The following TENM1 variants were observed in gnomAD, a reference collection of about 807,000 sequenced individuals.
TENM1 encodes teneurin-1.
TENM1 carries 35 observed loss-of-function variants against 174.8 expected under a neutral mutation model. That is an observed-to-expected ratio of 0.20 (90% CI 0.15 to 0.27). The LOEUF is 0.27. TENM1 is among the 10% of genes least tolerant of loss of function. The pLI, the probability that TENM1 is intolerant of heterozygous loss-of-function variation, is 1.00. For missense variants in TENM1, 1,633 were observed against 2,130.1 expected, an observed-to-expected ratio of 0.77 and a Z score of 4.59; for synonymous variants, 781 against 798.7, an observed-to-expected ratio of 0.98 and a Z score of 0.37.
At chrX:124,471,233 A>ATATAATATATAT (rs2061304897) in intron 22 of TENM1, among the ~76,000 whole-genome samples, 3 of 65,469 alleles carry the variant, frequency 4.6e-5, no homozygotes, top group African/African-American at 2.0e-4. Context: ...ATATAGTACT[A>ATATAATATATAT]TATATAATAT....
chrX:124,688,051 T>C (rs2052412670), intron 5 of TENM1, among the ~76,000 whole-genome samples: 1 of 107,301 alleles, frequency 9.3e-6, no homozygotes, highest in Non-Finnish European at 1.9e-5. Context: ...TCTCCTCTCC[T>C]CTCTTCTCTT....
At chrX:124,592,485 G>C (rs1420402246) in intron 11 of TENM1, among the ~76,000 whole-genome samples, 2 of 100,710 alleles carry the variant, frequency 2.0e-5, no homozygotes, top group Non-Finnish European at 4.0e-5. Flanking sequence ...ACCCAGGCTA[G>C]AGTGTAGTAG....
At chrX:124,977,661 ACTTT>A in the TENM1 span, among the ~76,000 whole-genome samples, 2 of 109,795 alleles carry the variant, frequency 1.8e-5, no homozygotes, top group East Asian at 5.7e-4. Context: ...CCACTAATCT[ACTTT>A]CTGTCTCTAT....
chrX:124,582,072 T>A (rs998117232), intron 11 of TENM1, among the ~76,000 whole-genome samples: 1 of 110,905 alleles, frequency 9.0e-6, no homozygotes, highest in Non-Finnish European at 1.9e-5. Context: ...GTGTGTGTTG[T>A]TCCCCCCCAT....
At chrX:125,052,140 A>C in the TENM1 span, among the ~76,000 whole-genome samples, 1 of 112,203 alleles carries the variant, frequency 8.9e-6, no homozygotes, top group Non-Finnish European at 1.9e-5. Context: ...CAAAACCACA[A>C]GGAGAAATGT....
rs186965439 is a variant in TENM1, at chrX:124,611,949, T to C, written c.2077+29842A>G. On this transcript the variant is annotated intron_variant, in intron 11 of 31. Coordinates refer to ENST00000422452, the Ensembl canonical transcript of TENM1. ...AACTTGACTTGCATGCAAGAGTAAA[T>C]GTTTTAATATAATATGCCTGTACAT... 5.2e-3 allele frequency among the ~76,000 whole-genome samples: 585 copies of C among 112,105 alleles called. 3 individuals are homozygous for C. Among genetic ancestry groups the C allele is most frequent in the African/African-American group, 0.018 (557 of 30,953 alleles).
chrX:125,081,039 T>C, the TENM1 span, among the ~76,000 whole-genome samples: 2 of 111,459 alleles, frequency 1.8e-5, no homozygotes, highest in Non-Finnish European at 3.8e-5. Flanking sequence ...TACCCTTTTG[T>C]CCTGGTCCTC....
intron 13 of TENM1, among the ~76,000 whole-genome samples, chrX:124,562,578 T>C (rs1426742709): frequency 8.9e-6 from 1 of 112,929 alleles, no homozygotes; most frequent in African/African-American, 3.2e-5. Context: ...AAGTGTAGCA[T>C]TTAAATAACT....
At chrX:124,771,536 G>A (rs1434179117) in intron 3 of TENM1, among the ~76,000 whole-genome samples, 1 of 112,490 alleles carries the variant, frequency 8.9e-6, no homozygotes, top group Non-Finnish European at 1.9e-5. Context: ...AAATACGTAA[G>A]CTGAAGAAGG....
chrX:125,103,986 A>G, the TENM1 span, among the ~76,000 whole-genome samples: 1 of 111,623 alleles, frequency 9.0e-6, no homozygotes, highest in African/African-American at 3.3e-5. Flanking sequence ...GCGAAACTCC[A>G]TAAGAAAAAA....
intron 1 of TENM1, among the ~76,000 whole-genome samples, chrX:124,955,922 C>T (rs192443705): frequency 3.4e-3 from 376 of 110,791 alleles, no homozygotes; most frequent in Non-Finnish European, 5.4e-3. Context: ...GCCTGGGTTC[C>T]GATGCTAGTT....
intron 3 of TENM1, among the ~76,000 whole-genome samples, chrX:124,829,515 T>G (rs966853334): frequency 8.9e-6 from 1 of 111,997 alleles, no homozygotes; most frequent in Non-Finnish European, 1.9e-5. Context: ...CACACCCTAT[T>G]TTTTAATATT....
chrX:125,155,885 G>A, the TENM1 span, among the ~76,000 whole-genome samples: 15,871 of 111,840 alleles, frequency 0.14, 2,017 homozygotes, highest in African/African-American at 0.38. Context: ...CTCTGGCCTC[G>A]GCCAGCCCAG....
At chrX:124,682,312 C>G (rs988768986) in intron 5 of TENM1, among the ~76,000 whole-genome samples, 1 of 111,424 alleles carries the variant, frequency 9.0e-6, no homozygotes, top group Non-Finnish European at 1.9e-5. Flanking sequence ...TAGTAGAGTA[C>G]ACTTTTTATA....
intron 22 of TENM1, among the ~76,000 whole-genome samples, chrX:124,462,401 G>A (rs1279471468): frequency 1.3e-5 from 1 of 78,108 alleles, no homozygotes; most frequent in Non-Finnish European, 2.2e-5. Flanking sequence ...TACTATTTTT[G>A]TTAAGCTATT....
At chrX:124,916,776 T>TTC (rs376505358) in intron 1 of TENM1, among the ~76,000 whole-genome samples, 5,723 of 101,799 alleles carry the variant, frequency 0.056, 212 homozygotes, top group African/African-American at 0.13. Context: ...TTCACCCCCT[T>TTC]TCTCTCTCTC....
At chrX:124,763,173 A>G (rs747643962) in intron 3 of TENM1, among the ~76,000 whole-genome samples, 25 of 110,899 alleles carry the variant, frequency 2.3e-4, no homozygotes, top group Admixed American at 1.1e-3. Flanking sequence ...AAAAGAGAGA[A>G]CAGACTAGTC....
chrX:125,046,247 A>G, the TENM1 span, among the ~76,000 whole-genome samples: 1 of 112,001 alleles, frequency 8.9e-6, no homozygotes, highest in African/African-American at 3.2e-5. Context: ...TAAAGAATCA[A>G]GGCTGCTTAC....
the TENM1 span, among the ~76,000 whole-genome samples, chrX:125,172,719 T>TA: frequency 9.0e-6 from 1 of 111,080 alleles, no homozygotes; most frequent in Non-Finnish European, 1.9e-5. Context: ...AGATGTGAGT[T>TA]ACGTCATCAT....
Sources: gnomAD v4.1 joint callset for allele counts (sites outside exome capture counted in the v4.1 genomes callset) on GRCh38, gnomAD v4.1.1 for gene constraint, MANE v1.5 for transcripts, NCBI Gene and HGNC (gene_info 2026-07-23, HGNC 2026-07-21) for gene names.